Variants in TSBP1 observed in about 807,000 individuals in gnomAD.
TSBP1 encodes testis expressed basic protein 1.
A neutral mutation model predicts 68.8 loss-of-function variants in TSBP1; 56 were observed. The ratio of observed to expected loss-of-function variants is 0.81; its 90% CI spans 0.66 to 1.02. TSBP1 has a LOEUF of 1.02. Among genes scored for constraint, TSBP1 ranks in the 50% least tolerant of loss-of-function variants. The probability of loss-of-function intolerance (pLI) is 0.00; values close to 1 mark genes in which losing one functional copy is unlikely to be tolerated. For missense variants in TSBP1, 502 were observed against 641.2 expected (o/e 0.78, Z 2.34); for synonymous variants, 171 against 208.7 (o/e 0.82, Z 1.56).
At chr6:32,364,582 GT>G (rs962863934) in intron 6 of TSBP1, among the ~76,000 whole-genome samples, 15 of 147,466 alleles carry the variant, frequency 1.0e-4, no homozygotes, top group African/African-American at 3.0e-4. Context: ...GCTCTGTTTT[GT>G]TTTTTTTTCT....
At chr6:32,349,185 C>T (rs936403446) in intron 9 of TSBP1, among the ~76,000 whole-genome samples, 1 of 144,504 alleles carries the variant, frequency 6.9e-6, no homozygotes, top group Non-Finnish European at 1.5e-5. Flanking sequence ...CAAAAACTAT[C>T]CATTTCTTTC....
At chr6:32,312,758 C>T (rs1766533081) in intron 19 of TSBP1, among the ~76,000 whole-genome samples, 2 of 152,056 alleles carry the variant, frequency 1.3e-5, no homozygotes, top group East Asian at 1.9e-4. Context: ...CACATTCAGT[C>T]GAACAGCAGG....
chr6:32,349,545 A>T, intron 9 of TSBP1, 195 bp downstream of exon 9: 1 of 562,706 alleles, frequency 1.8e-6, no homozygotes, highest in East Asian at 2.9e-5. Flanking sequence ...TCATCATAAT[A>T]AACCACTAGA....
chr6:32,363,182 C>A (rs1185766624), intron 6 of TSBP1, among the ~76,000 whole-genome samples: 1 of 152,040 alleles, frequency 6.6e-6, no homozygotes, highest in African/African-American at 2.4e-5. Context: ...GTAAGTATAG[C>A]CACCCCTACC....
rs545377721 is a variant in TSBP1, at chr6:32,343,527, C to T, written c.350-3889G>A. Among the ~76,000 whole-genome samples, 2 of 152,190 alleles carry T rather than the reference C, an allele frequency of 1.3e-5. No homozygotes were observed. Among genetic ancestry groups the T allele is most frequent in the African/African-American group, 2.4e-5 (1 of 41,532 alleles). ...TTCACCACCTTTCTCCTGTCTTTTCCGTTTCTCCCTCCCTCTTTCTTTCAT... is the reference window on the plus strand; with the variant it reads ...TTCACCACCTTTCTCCTGTCTTTTCTGTTTCTCCCTCCCTCTTTCTTTCAT... On this transcript the variant is annotated intron_variant, in intron 9 of 22. Coordinates refer to ENST00000612031, the Ensembl canonical transcript of TSBP1. This position sits in a 1 kb window ranked among gnomAD's most constrained non-coding sequence, Gnocchi z 4.3.
chr6:32,300,748 T>C (rs1416460457), intron 20 of TSBP1, 48 bp from the exon 24 acceptor site: 1 of 1,527,218 alleles, frequency 6.5e-7, no homozygotes, highest in East Asian at 2.2e-5. Context: ...GGCATTCCCT[T>C]CTTCCCAGTC....
At chr6:32,346,509 C>T (rs1458190154) in intron 9 of TSBP1, among the ~76,000 whole-genome samples, 4 of 152,112 alleles carry the variant, frequency 2.6e-5, no homozygotes, top group Non-Finnish European at 5.9e-5. Context: ...ACGTTTTCTT[C>T]ACCGTCTTGC....
intron 22 of TSBP1, 183 bp from the exon 26 acceptor site, chr6:32,294,218 C>T (rs1764473916): frequency 7.1e-6 from 5 of 705,858 alleles, no homozygotes; most frequent in Non-Finnish European, 1.2e-5. Context: ...CGATAAAATT[C>T]TGGACTATTT....
At chr6:32,369,734 C>T (rs1163103290) in intron 2 of TSBP1, among the ~76,000 whole-genome samples, 163 bp downstream of exon 2, 1 of 152,188 alleles carries the variant, frequency 6.6e-6, no homozygotes, top group Non-Finnish European at 1.5e-5. Context: ...GGGACAATCA[C>T]TAATAGGTCA....
intron 19 of TSBP1, among the ~76,000 whole-genome samples, chr6:32,313,145 C>A (rs1432367925): frequency 1.3e-5 from 2 of 151,994 alleles, no homozygotes; most frequent in Non-Finnish European, 2.9e-5. Context: ...ACCTCCATAG[C>A]AGGCCTGTGC....
chr6:32,367,881 G>T, intron 4 of TSBP1, 44 bp downstream of exon 4: 1 of 1,430,348 alleles, frequency 7.0e-7, no homozygotes, highest in Non-Finnish European at 9.8e-7. Context: ...ACTCTAAAGA[G>T]TATATTCCTT....
In TSBP1 at chr6:32,321,485, T is replaced by C. The variant is rs750978482; in HGVS notation, c.559+1632A>G. Among the ~76,000 whole-genome samples, 1 of 152,208 alleles carries C rather than the reference T, an allele frequency of 6.6e-6. No individual in the cohort carries two copies. Among genetic ancestry groups the C allele is most frequent in the Non-Finnish European group, 1.5e-5 (1 of 68,048 alleles). On this transcript the variant is annotated intron_variant, in intron 18 of 22. Coordinates refer to ENST00000612031, the Ensembl canonical transcript of TSBP1. This position sits in a 1 kb window ranked among gnomAD's most constrained non-coding sequence, Gnocchi z 4.3. ...GACCTCAGGTGGGCATTGGTCCCTG[T>C]GCCCAATTATAGGGCCTATTCCCAA...
chr6:32,293,204 T>C (rs1298642611), exon 23 of TSBP1: 1 of 1,612,730 alleles, frequency 6.2e-7, no homozygotes, highest in East Asian at 2.2e-5. Flanking sequence ...AAAACTCTCC[T>C]TCTTTTCTTG....
intron 8 of TSBP1, among the ~76,000 whole-genome samples, chr6:32,354,525 A>G (rs1772061680): frequency 6.6e-6 from 1 of 152,142 alleles, no homozygotes; most frequent in Non-Finnish European, 1.5e-5. Flanking sequence ...TAAAATATGC[A>G]TAAATTACAT....
At chr6:32,371,654 C>T (rs2127671902) in intron 1 of TSBP1, 40 bp downstream of exon 1, 1 of 1,460,342 alleles carries the variant, frequency 6.8e-7, no homozygotes, top group Non-Finnish European at 9.6e-7. Flanking sequence ...TCCTGAACTA[C>T]TAGAGTTGAG....
In TSBP1 at chr6:32,293,602, C is replaced by A. The variant is rs1027247399; in HGVS notation, c.1071G>T (p.Gly357=). Residue 357 remains glycine, a synonymous_variant, in exon 23 of 23, where the codon GGG becomes GGT. Transcript: ENST00000612031. ...CTTCCTGTCCTTTCAGTACAACCAA[C>A]CCACTCTTCGTTACTTGGGCTTCTT... is the stretch of plus-strand genomic sequence containing the variant. 2.5e-6 allele frequency: 4 copies of A among 1,612,842 alleles called. No individual in the cohort carries two copies. The African/African-American group carries it at 5.3e-5, about 22-fold the overall frequency.
rs11962040 is a variant in TSBP1 at position 32,300,711 on chromosome 6, T to C, written c.602-11A>G. On this transcript the variant is annotated splice_polypyrimidine_tract_variant and intron_variant, in intron 20 of 22. Transcript: ENST00000612031. ...TTCCAGAACTGTCCACTGAAAGAGA[T>C]AAAGGCAAACACATCAGTAGGTACT... 0.02 allele frequency: 32,046 copies of C among 1,611,550 alleles called. 924 individuals are homozygous for C. Among genetic ancestry groups the C allele is most frequent in the African/African-American group, 0.13 (9,500 of 74,850 alleles).
At chr6:32,329,305 G>C (rs1162471853) in intron 16 of TSBP1, among the ~76,000 whole-genome samples, 1 of 152,152 alleles carries the variant, frequency 6.6e-6, no homozygotes, top group Non-Finnish European at 1.5e-5. Flanking sequence ...GGCTATTAGG[G>C]AACTGTGGAC....
chr6:32,310,767 A>AT (rs1766318436), intron 19 of TSBP1, among the ~76,000 whole-genome samples: 1 of 134,588 alleles, frequency 7.4e-6, no homozygotes. Flanking sequence ...ATATATTTTT[A>AT]ATCTTTTTAG....
Sources: gnomAD v4.1 joint callset for allele counts (sites outside exome capture counted in the v4.1 genomes callset) on GRCh38, gnomAD v4.1.1 for gene constraint, Gnocchi (gnomAD v3.1) non-coding constraint, MANE v1.5 for transcripts, NCBI Gene and HGNC (gene_info 2026-07-23, HGNC 2026-07-21) for gene names.